The following DLGAP2 variants were observed in gnomAD, a reference collection of about 807,000 sequenced individuals.
DLGAP2 encodes the protein disks large-associated protein 2.
DLGAP2 carries 26 observed loss-of-function variants against 100.3 expected under a neutral mutation model. The ratio of observed to expected loss-of-function variants is 0.26; its 90% CI spans 0.19 to 0.36. The LOEUF (loss-of-function observed/expected upper bound fraction) is 0.36, where lower values mean the gene tolerates loss of function less well. Ranked by LOEUF, DLGAP2 falls within the 10% of genes least tolerant of loss-of-function variation. The pLI is 1.00. For missense variants in DLGAP2, 1,858 were observed against 1,453.2 expected (o/e 1.28, Z -4.53); for synonymous variants, 886 against 630.1 (o/e 1.41, Z -6.08).
At chr8:1,184,687 G>A (rs1409886827) in intron 2 of DLGAP2, among the ~76,000 whole-genome samples, 1 of 152,186 alleles carries the variant, frequency 6.6e-6, no homozygotes, top group Non-Finnish European at 1.5e-5. Flanking sequence ...ACAGTGGGGT[G>A]TGGTTAGGGA....
chr8:1,637,811 A>G (rs747676302), intron 8 of DLGAP2, among the ~76,000 whole-genome samples: 9 of 152,192 alleles, frequency 5.9e-5, no homozygotes, highest in Admixed American at 2.6e-4. Flanking sequence ...CTCGTCAGCC[A>G]TGGCACACCT....
rs1277596302 is a variant in DLGAP2 at position 1,254,997 on chromosome 8, CTCA to C, written c.74-3851_74-3849del. Among the ~76,000 whole-genome samples, 238 of 122,236 alleles carry C rather than the reference CTCA, an allele frequency of 1.9e-3. 10 individuals are homozygous for C. The highest frequency in any genetic ancestry group is 5.6e-3 in the African/African-American group (141 of 25,348). The allele number at this position is 122,236 out of a possible 152,430, so 80.2% of individuals were successfully genotyped here. On this transcript the variant is annotated intron_variant, in intron 2 of 14. Transcript: ENST00000637795. ...TGTCCGGGTGCTGTGTGTGTGTCCTCTCATCCTGCTTGGGCGCTGTGTGTGTGT... is the reference window on the plus strand; with the variant it reads ...TGTCCGGGTGCTGTGTGTGTGTCCTCTCCTGCTTGGGCGCTGTGTGTGTGT...
intron 2 of DLGAP2, among the ~76,000 whole-genome samples, chr8:1,116,352 C>T (rs1017895337): frequency 1.3e-5 from 2 of 152,122 alleles, no homozygotes; most frequent in Non-Finnish European, 2.9e-5. Context: ...GGTTGATGCC[C>T]GGAAGACTTG....
chr8:1,096,532 C>G (rs548805750), intron 2 of DLGAP2, among the ~76,000 whole-genome samples: 1 of 151,306 alleles, frequency 6.6e-6, no homozygotes, highest in African/African-American at 2.4e-5. Flanking sequence ...ACCCCTCCAG[C>G]GTGAGGCCCA....
rs754369264 is a variant in DLGAP2 at position 1,146,382 on chromosome 8, C to T, written c.74-112469C>T. On this transcript the variant is annotated intron_variant, in intron 2 of 14. Coordinates refer to ENST00000637795, the MANE Select transcript of DLGAP2 (RefSeq NM_001346810.2). ...CCTTTACAAACACAGGTTTTTCTAA[C>T]GCCTCTTGCTCTGTGGGACATCTTT... Among the ~76,000 whole-genome samples the T allele has an allele frequency of 6.6e-5, 10 of 152,310 alleles. No individual in the cohort carries two copies. The Middle Eastern group carries it at 0.01, about 155-fold the overall frequency.
chr8:821,965 G>A, intron 1 of DLGAP2: 1 of 393,972 alleles, frequency 2.5e-6, no homozygotes, highest in Non-Finnish European at 4.5e-6. Flanking sequence ...TTGCCATATT[G>A]CTCTTTTCAG....
intron 2 of DLGAP2, among the ~76,000 whole-genome samples, chr8:1,235,388 G>C (rs555053579): frequency 6.7e-6 from 1 of 149,972 alleles, no homozygotes; most frequent in African/African-American, 2.5e-5. Context: ...CACACATGGC[G>C]TTGTGTCTCG....
chr8:1,028,261 G>A (rs1221536398), intron 2 of DLGAP2, among the ~76,000 whole-genome samples: 2 of 133,508 alleles, frequency 1.5e-5, no homozygotes, highest in African/African-American at 2.9e-5. Context: ...TCAGGCGCCC[G>A]TTATTCTCCA....
At chr8:1,173,280 A>C (rs1004580020) in intron 2 of DLGAP2, among the ~76,000 whole-genome samples, 11 of 152,164 alleles carry the variant, frequency 7.2e-5, no homozygotes, top group Non-Finnish European at 1.2e-4. Context: ...GTGAGGTGTC[A>C]GTCTGCCCCT....
intron 2 of DLGAP2, among the ~76,000 whole-genome samples, chr8:954,322 AT>A (rs1799548682): frequency 6.6e-6 from 1 of 152,160 alleles, no homozygotes; most frequent in African/African-American, 2.4e-5. Context: ...ATAAGTGAAA[AT>A]TTGTATTACC....
chr8:1,168,124 C>A (rs7460050), intron 2 of DLGAP2, among the ~76,000 whole-genome samples: 125,329 of 148,004 alleles, frequency 0.85, 53,103 homozygotes, highest in Middle Eastern at 0.88. Flanking sequence ...GAGTGAGAAT[C>A]TGCGGTGTTT....
chr8:1,556,076 G>C (rs573195009), intron 5 of DLGAP2, among the ~76,000 whole-genome samples: 35 of 152,350 alleles, frequency 2.3e-4, no homozygotes, highest in African/African-American at 7.9e-4. Flanking sequence ...AGACCTCATG[G>C]TGACTGGGTG....
At chr8:1,565,036 A>G (rs1267398786) in intron 5 of DLGAP2, among the ~76,000 whole-genome samples, 1 of 151,986 alleles carries the variant, frequency 6.6e-6, no homozygotes, top group Admixed American at 6.5e-5. Context: ...GACGTATAAC[A>G]CGCACAGGTG....
At chr8:1,693,459 A>G (rs966222472) in intron 13 of DLGAP2, among the ~76,000 whole-genome samples, 3 of 152,078 alleles carry the variant, frequency 2.0e-5, no homozygotes, top group African/African-American at 7.2e-5. Flanking sequence ...TATGCTACTT[A>G]ATAAGTTGTT....
At chr8:1,267,718 C>T (rs1039947177) in intron 3 of DLGAP2, among the ~76,000 whole-genome samples, 3 of 152,106 alleles carry the variant, frequency 2.0e-5, no homozygotes, top group Admixed American at 2.0e-4. Flanking sequence ...CTGGCCCCCT[C>T]CGTAGCAACT....
At chr8:1,523,944 G>A (rs182111607) in intron 4 of DLGAP2, among the ~76,000 whole-genome samples, 76 of 152,294 alleles carry the variant, frequency 5.0e-4, no homozygotes, top group Non-Finnish European at 9.3e-4. Context: ...GATCTGTGGG[G>A]AAAACAAACA....
At chr8:1,360,114 C>T (rs1170722536) in intron 3 of DLGAP2, among the ~76,000 whole-genome samples, 5 of 151,520 alleles carry the variant, frequency 3.3e-5, no homozygotes, top group Admixed American at 6.6e-5. Flanking sequence ...CGGAGGAGAG[C>T]GGGTTGCAGG....
At chr8:1,644,370 C>T (rs1229911939) in intron 8 of DLGAP2, among the ~76,000 whole-genome samples, 5 of 152,230 alleles carry the variant, frequency 3.3e-5, no homozygotes, top group Admixed American at 1.3e-4. Flanking sequence ...CCCCACCAGA[C>T]GGCCCAGCTG....
intron 3 of DLGAP2, among the ~76,000 whole-genome samples, chr8:1,390,395 T>G (rs1374799767): frequency 6.6e-6 from 1 of 152,158 alleles, no homozygotes; most frequent in Non-Finnish European, 1.5e-5. Flanking sequence ...TTCCTTTTGC[T>G]GGAGTAAGTT....
Sources: allele counts gnomAD v4.1 joint callset (sites outside exome capture counted in the v4.1 genomes callset), GRCh38; gene constraint gnomAD v4.1.1; transcripts MANE v1.5; gene names NCBI Gene and HGNC (gene_info 2026-07-23, HGNC 2026-07-21).